The following RC3H2 variants were observed in gnomAD, a reference collection of about 807,000 sequenced individuals.
The protein encoded by RC3H2 is roquin-2.
A neutral mutation model predicts 133.3 loss-of-function variants in RC3H2; 31 were observed. That is an observed-to-expected ratio of 0.23 (90% CI 0.17 to 0.31). The LOEUF is 0.31. RC3H2 is among the 10% of genes least tolerant of loss of function. RC3H2 has a pLI of 1.00. For missense variants in RC3H2, 1,175 were observed against 1,437.2 expected (o/e 0.82, Z 2.95); for synonymous variants, 517 against 502.2 (o/e 1.03, Z -0.40).
At chr9:122,857,385 A>T (rs1230425520) in intron 13 of RC3H2, among the ~76,000 whole-genome samples, 2 of 152,240 alleles carry the variant, frequency 1.3e-5, no homozygotes, top group East Asian at 3.8e-4. Context: ...AATAATTAGC[A>T]GTGATGTAAA....
At chr9:122,904,880 T>G (rs926541095) in intron 1 of RC3H2, among the ~76,000 whole-genome samples, 2 of 152,162 alleles carry the variant, frequency 1.3e-5, no homozygotes, top group African/African-American at 4.8e-5. Context: ...CGAAGGAAGG[T>G]GGCCATTTGA....
At chr9:122,874,453 A>T (rs1831246258) in intron 9 of RC3H2, 1 of 152,110 alleles carries the variant, frequency 6.6e-6, no homozygotes, top group Non-Finnish European at 1.5e-5. Flanking sequence ...AATGTGACCA[A>T]TAATTTTGCC....
intron 9 of RC3H2, 52 bp downstream of exon 9, chr9:122,877,418 TC>T (rs1431995123): frequency 1.4e-6 from 2 of 1,396,610 alleles, no homozygotes; most frequent in East Asian, 4.6e-5. Flanking sequence ...TATATAACAT[TC>T]CCATAAAAAT....
At chr9:122,858,208 G>A (rs1203213007) in intron 12 of RC3H2, 115 bp from the exon 13 acceptor site, 4 of 934,544 alleles carry the variant, frequency 4.3e-6, no homozygotes, top group South Asian at 1.7e-5. Flanking sequence ...AATACAGCAG[G>A]GAAAGTCACC....
At chr9:122,884,275 A>G (rs1428559952) in intron 4 of RC3H2, among the ~76,000 whole-genome samples, 1 of 151,900 alleles carries the variant, frequency 6.6e-6, no homozygotes, top group Admixed American at 6.6e-5. Context: ...CCTCAGCAAC[A>G]ATGCGAGACT....
intron 15 of RC3H2, among the ~76,000 whole-genome samples, chr9:122,854,967 T>C (rs750464714): frequency 5.9e-5 from 9 of 151,956 alleles, no homozygotes; most frequent in Non-Finnish European, 1.2e-4. Context: ...ATACAAAAAT[T>C]AGCCAGGCAT....
At chr9:122,862,045 C>A (rs1224877089) in intron 10 of RC3H2, among the ~76,000 whole-genome samples, 3 of 152,114 alleles carry the variant, frequency 2.0e-5, no homozygotes, top group African/African-American at 7.2e-5. Flanking sequence ...ATTATCTGGT[C>A]CCTCCATGTC....
intron 1 of RC3H2, among the ~76,000 whole-genome samples, chr9:122,898,275 A>G (rs1298591795): frequency 6.6e-6 from 1 of 152,240 alleles, no homozygotes; most frequent in Non-Finnish European, 1.5e-5. Flanking sequence ...GTATTGTTCA[A>G]TACAATACTT....
Position 122,858,085 on chromosome 9 carries a change from A to G in RC3H2, c.2292T>C (p.Cys764=), listed in dbSNP as rs780632796. The G allele has an allele frequency of 3.7e-6, 6 of 1,614,108 alleles. No homozygotes were observed. The highest frequency in any genetic ancestry group is 1.7e-6 in the Non-Finnish European group (2 of 1,179,984). ...RTTVPLPREP[C]GHLKTSCEEQ... is the part of the protein sequence containing the mutation. ...CCTCGCAACTGGTCTTCAAATGACCACAAGGTTCCTAATGGGGGATAAAAG... is the reference window on the plus strand; with the variant it reads ...CCTCGCAACTGGTCTTCAAATGACCGCAAGGTTCCTAATGGGGGATAAAAG... Residue 764 remains cysteine (C), a synonymous_variant, in exon 13 of 21, where the codon TGT becomes TGC. Transcript: ENST00000357244.
intron 20 of RC3H2, 124 bp from the exon 21 acceptor site, chr9:122,849,946 T>C (rs1451836053): frequency 5.7e-6 from 3 of 528,828 alleles, no homozygotes; most frequent in South Asian, 4.8e-5. Context: ...CATGTCTTTA[T>C]CACTAGAAGT....
chr9:122,896,158 G>T (rs1832411142), intron 2 of RC3H2, among the ~76,000 whole-genome samples: 1 of 151,682 alleles, frequency 6.6e-6, no homozygotes, highest in Non-Finnish European at 1.5e-5. Context: ...TTTGTGTTGG[G>T]CTGCATTCAA....
At chr9:122,869,315 T>C (rs62580922) in intron 9 of RC3H2, among the ~76,000 whole-genome samples, 10,539 of 152,250 alleles carry the variant, frequency 0.069, 414 homozygotes, top group African/African-American at 0.093. Flanking sequence ...TAATGTTATA[T>C]ATAAACATAT....
chr9:122,853,132 T>C (rs1001609791), intron 18 of RC3H2, among the ~76,000 whole-genome samples: 5 of 151,964 alleles, frequency 3.3e-5, no homozygotes, highest in African/African-American at 4.8e-5. Context: ...CAGAGTTAAA[T>C]GGCTTAAGGG....
chr9:122,855,025 G>A (rs1341867517), intron 15 of RC3H2, among the ~76,000 whole-genome samples, 159 bp downstream of exon 15: 1 of 151,008 alleles, frequency 6.6e-6, no homozygotes, highest in Non-Finnish European at 1.5e-5. Flanking sequence ...TGAGGCAGGA[G>A]AATCGCTTGA....
chr9:122,880,090 C>A lies in RC3H2; in HGVS notation c.996G>T (p.Gln332His). The change falls in exon 7 of 21, where the codon CAG becomes CAT. Residue 332 changes from glutamine to histidine, a missense_variant. Physicochemically the swap from Gln to His is conservative, Grantham distance 24 (BLOSUM62 0). Coordinates refer to ENST00000357244, the MANE Select transcript of RC3H2 (RefSeq NM_001100588.3). ...TTCGTTGCAAAACAATTGTCAATTC[C>A]TGGACACTCTTTGCAAATGACTCTG... ...QSPESFAKSV[Q>H]ELTIVLQRTG... 1 of 1,614,118 alleles carries A rather than the reference C, an allele frequency of 6.2e-7. No homozygotes were observed. Among genetic ancestry groups the A allele is most frequent in the Admixed American group, 1.7e-5 (1 of 60,020 alleles).
At chr9:122,867,456 T>TG (rs977094759) in intron 9 of RC3H2, among the ~76,000 whole-genome samples, 23 of 145,464 alleles carry the variant, frequency 1.6e-4, no homozygotes, top group African/African-American at 4.7e-4. Context: ...AGGAGGGAGG[T>TG]GGGGGGGTCA....
chr9:122,903,972 T>C (rs887651554), intron 1 of RC3H2, among the ~76,000 whole-genome samples: 5 of 152,212 alleles, frequency 3.3e-5, no homozygotes, highest in Non-Finnish European at 5.9e-5. Flanking sequence ...TGTTTAACCA[T>C]TAAAAGGCTG....
chr9:122,853,771 T>C, intron 18 of RC3H2, 181 bp downstream of exon 18: 2 of 1,429,930 alleles, frequency 1.4e-6, no homozygotes, highest in Non-Finnish European at 1.9e-6. Context: ...CCCGATGATC[T>C]AGTTAAAGAA....
intron 10 of RC3H2, 125 bp from the exon 11 acceptor site, chr9:122,860,256 A>AT: frequency 2.9e-6 from 2 of 685,718 alleles, no homozygotes; most frequent in Non-Finnish European, 4.9e-6. Context: ...ACATTGCCAC[A>AT]TTGACAAATA....
Sources: allele counts gnomAD v4.1 joint callset (sites outside exome capture counted in the v4.1 genomes callset), GRCh38; gene constraint gnomAD v4.1.1; transcripts MANE v1.5; gene names NCBI Gene and HGNC (gene_info 2026-07-23, HGNC 2026-07-21).